Variants in CAMK1D observed in about 807,000 individuals in gnomAD.
CAMK1D encodes the protein calcium/calmodulin dependent protein kinase ID.
CAMK1D carries 9 observed loss-of-function variants against 47.7 expected under a neutral mutation model. The observed-to-expected ratio is 0.19, with a 90% CI of 0.11 to 0.33. CAMK1D has a LOEUF of 0.33. Ranked by LOEUF, CAMK1D falls within the 10% of genes least tolerant of loss-of-function variation. CAMK1D has a pLI of 1.00. For synonymous variants in CAMK1D, 184 were observed against 184.9 expected, an observed-to-expected ratio of 0.99 and a Z score of 0.04; for missense variants, 291 against 488.7, an observed-to-expected ratio of 0.60 and a Z score of 3.81.
intron 1 of CAMK1D, among the ~76,000 whole-genome samples, chr10:12,397,981 C>T (rs913863252): frequency 6.6e-6 from 1 of 152,154 alleles, no homozygotes; most frequent in Non-Finnish European, 1.5e-5. Flanking sequence ...AAGCCGTCTA[C>T]CCCCTCCCAC....
chr10:12,411,632 C>G (rs1839660405), intron 1 of CAMK1D, among the ~76,000 whole-genome samples: 1 of 148,908 alleles, frequency 6.7e-6, no homozygotes, highest in South Asian at 2.1e-4. Context: ...GAGTTTTGCT[C>G]CTGTTGCCTA....
chr10:12,377,129 T>C (rs1465309879), intron 1 of CAMK1D, among the ~76,000 whole-genome samples: 1 of 152,134 alleles, frequency 6.6e-6, no homozygotes, highest in Non-Finnish European at 1.5e-5. Flanking sequence ...ATGAAGATAA[T>C]AATTTTTGAA....
At chr10:12,794,465 T>C (rs149518700) in intron 6 of CAMK1D, among the ~76,000 whole-genome samples, 21 of 152,324 alleles carry the variant, frequency 1.4e-4, no homozygotes, top group African/African-American at 4.8e-4. Flanking sequence ...ATAGAGATCC[T>C]GGCACGTACT....
intron 6 of CAMK1D, among the ~76,000 whole-genome samples, chr10:12,798,941 A>C (rs933630877): frequency 6.6e-6 from 1 of 152,206 alleles, no homozygotes; most frequent in African/African-American, 2.4e-5. Context: ...CAGGGCATAG[A>C]TGGTGAAAAG....
At chr10:12,493,044 C>T (rs1338368057) in intron 1 of CAMK1D, among the ~76,000 whole-genome samples, 1 of 152,204 alleles carries the variant, frequency 6.6e-6, no homozygotes, top group African/African-American at 2.4e-5. Flanking sequence ...GAAACCCTTG[C>T]ACACTTGCTT....
At chr10:12,354,905 G>A (rs542432037) in intron 1 of CAMK1D, among the ~76,000 whole-genome samples, 21 of 150,100 alleles carry the variant, frequency 1.4e-4, no homozygotes, top group Admixed American at 1.1e-3. Flanking sequence ...GCGGTGGTGC[G>A]ATCATAGCTC....
intron 4 of CAMK1D, among the ~76,000 whole-genome samples, chr10:12,765,116 C>G (rs1836689298): frequency 6.6e-6 from 1 of 152,106 alleles, no homozygotes; most frequent in Admixed American, 6.6e-5. Context: ...TCATTGGAAG[C>G]ATCCTTCAGT....
At chr10:12,372,944 A>T (rs1316351809) in intron 1 of CAMK1D, among the ~76,000 whole-genome samples, 2 of 152,166 alleles carry the variant, frequency 1.3e-5, no homozygotes, top group Non-Finnish European at 2.9e-5. Flanking sequence ...GTAATTTTTA[A>T]CAGAAGTGAT....
At chr10:12,512,794 G>T (rs1008500212) in intron 1 of CAMK1D, among the ~76,000 whole-genome samples, 1 of 152,116 alleles carries the variant, frequency 6.6e-6, no homozygotes, top group South Asian at 2.1e-4. Flanking sequence ...GCTTATTTCC[G>T]AGGGAAAGAA....
chr10:12,393,157 A>G (rs1180347687), intron 1 of CAMK1D, among the ~76,000 whole-genome samples: 2 of 151,244 alleles, frequency 1.3e-5, no homozygotes, highest in Non-Finnish European at 2.9e-5. Flanking sequence ...TCAGCCTCCC[A>G]AGTAGCTGGG....
intron 6 of CAMK1D, among the ~76,000 whole-genome samples, chr10:12,803,539 C>T (rs895309429): frequency 3.9e-5 from 6 of 152,030 alleles, no homozygotes; most frequent in African/African-American, 1.4e-4. Context: ...AAAATTAGCC[C>T]AGCTACTCGG....
intron 1 of CAMK1D, among the ~76,000 whole-genome samples, chr10:12,363,622 A>C (rs1256366649): frequency 6.6e-6 from 1 of 151,662 alleles, no homozygotes; most frequent in African/African-American, 2.4e-5. Context: ...CTGACAAAAA[A>C]GGCTATATAT....
intron 3 of CAMK1D, among the ~76,000 whole-genome samples, chr10:12,683,578 A>G (rs1832534353): frequency 6.6e-6 from 1 of 151,954 alleles, no homozygotes; most frequent in Non-Finnish European, 1.5e-5. Context: ...GGTTTTTATC[A>G]TGATTTATTT....
intron 2 of CAMK1D, among the ~76,000 whole-genome samples, chr10:12,629,565 T>C (rs1291352227): frequency 6.6e-6 from 1 of 152,296 alleles, no homozygotes; most frequent in East Asian, 1.9e-4. Flanking sequence ...AGTGAAAAGC[T>C]GATTGTGTGG....
At chr10:12,764,219 A>G (rs2130913638) in intron 4 of CAMK1D, among the ~76,000 whole-genome samples, 1 of 152,150 alleles carries the variant, frequency 6.6e-6, no homozygotes, top group African/African-American at 2.4e-5. Context: ...CATCTCTACT[A>G]AAAATACAAA....
rs539067247 is a variant in CAMK1D, at chr10:12,504,628, C to T, written c.93-48597C>T. On this transcript the variant is annotated intron_variant, in intron 1 of 10. Transcript: ENST00000619168. ...GATGCTTTACCAGCTTTTTGGGAACCTCTTAACCCGGTTAGGTTGACATGA... is the reference window on the plus strand; with the variant it reads ...GATGCTTTACCAGCTTTTTGGGAACTTCTTAACCCGGTTAGGTTGACATGA... Among the ~76,000 whole-genome samples the T allele has an allele frequency of 3.3e-5, 5 of 152,304 alleles. 1 individual carries two copies. The South Asian group carries it at 1.0e-3, about 32-fold the overall frequency.
At chr10:12,815,985 C>A (rs1049412315) in intron 7 of CAMK1D, among the ~76,000 whole-genome samples, 5 of 152,242 alleles carry the variant, frequency 3.3e-5, no homozygotes, top group African/African-American at 1.2e-4. Flanking sequence ...AAAGGTATCA[C>A]TAGCCACTAG....
intron 2 of CAMK1D, among the ~76,000 whole-genome samples, chr10:12,606,179 C>A (rs767279320): frequency 6.7e-6 from 1 of 150,328 alleles, no homozygotes; most frequent in Non-Finnish European, 1.5e-5. Flanking sequence ...CTGTGAGCCG[C>A]GGCTGCTCAG....
intron 4 of CAMK1D, among the ~76,000 whole-genome samples, chr10:12,764,446 G>A (rs1379969263): frequency 2.0e-5 from 3 of 148,528 alleles, no homozygotes; most frequent in Admixed American, 6.7e-5. Context: ...CTCCTTGGGC[G>A]TAACTGGTCT....
Sources: gnomAD v4.1 joint callset for allele counts (sites outside exome capture counted in the v4.1 genomes callset) on GRCh38, gnomAD v4.1.1 for gene constraint, MANE v1.5 for transcripts, NCBI Gene and HGNC (gene_info 2026-07-23, HGNC 2026-07-21) for gene names.